The following ELL2 variants were observed in gnomAD, a reference collection of about 807,000 sequenced individuals.
The protein encoded by ELL2 is elongation factor for RNA polymerase II 2.
Under a neutral mutation model 72.8 loss-of-function variants are expected in ELL2, and 21 were observed. That is an observed-to-expected ratio of 0.29 (90% confidence interval 0.20 to 0.42). ELL2 has a LOEUF of 0.42. Among genes scored for constraint, ELL2 ranks in the 10% least tolerant of loss-of-function variants. The probability of loss-of-function intolerance (pLI) is 1.00; values close to 1 mark genes in which losing one functional copy is unlikely to be tolerated. For synonymous variants in ELL2, 266 were observed against 283.2 expected, an observed-to-expected ratio of 0.94 and a Z score of 0.61; for missense variants, 568 against 772.8, an observed-to-expected ratio of 0.73 and a Z score of 3.14.
At chr5:95,890,250 T>C (rs1580474546) in intron 10 of ELL2, among the ~76,000 whole-genome samples, 1 of 152,200 alleles carries the variant, frequency 6.6e-6, no homozygotes, top group African/African-American at 2.4e-5. Flanking sequence ...GCCAGCTTGT[T>C]GAAAAAGATT....
intron 1 of ELL2, among the ~76,000 whole-genome samples, chr5:95,960,877 C>A (rs528127256): frequency 2.0e-5 from 3 of 151,980 alleles, no homozygotes; most frequent in Non-Finnish European, 2.9e-5. Context: ...TGTCCCCTCC[C>A]CCCCCGTACG....
rs776287408 is a variant in ELL2 at position 95,943,544 on chromosome 5, AG to A, written c.148-496del. On this transcript the variant is annotated intron_variant, in intron 1 of 11. Transcript: ENST00000237853. Reference sequence around the variant, plus strand: ...CATTAAAAAAACTGTATTGTTGCATAGTTTCCTGGTATATTTTTAATAGGGG... The same window carrying A: ...CATTAAAAAAACTGTATTGTTGCATATTTCCTGGTATATTTTTAATAGGGG... 9.2e-5 allele frequency among the ~76,000 whole-genome samples: 14 copies of A among 152,296 alleles called. No homozygotes were observed. In the East Asian group the frequency reaches 1.3e-3, roughly 15 times the overall value.
intron 5 of ELL2, 127 bp downstream of exon 5, chr5:95,906,396 C>A (rs1202843160): frequency 1.0e-6 from 1 of 994,566 alleles, no homozygotes; most frequent in African/African-American, 1.6e-5. Flanking sequence ...ATTTCACATA[C>A]CACTGATCAA....
At chr5:95,907,138 C>G (rs1427533454) in intron 4 of ELL2, among the ~76,000 whole-genome samples, 1 of 151,786 alleles carries the variant, frequency 6.6e-6, no homozygotes, top group Non-Finnish European at 1.5e-5. Context: ...AACTATAATA[C>G]AGTGAACATG....
chr5:95,892,250 G>A (rs192332774), intron 9 of ELL2, among the ~76,000 whole-genome samples: 2 of 151,764 alleles, frequency 1.3e-5, no homozygotes, highest in East Asian at 1.9e-4. Context: ...GGGCTCAACC[G>A]ATTCTCGTGC....
In ELL2 at chr5:95,886,911, G is replaced by C. The variant is rs1748483086; in HGVS notation, c.*1960C>G. 1 of 152,096 alleles carries C rather than the reference G, an allele frequency of 6.6e-6. No homozygotes were observed. The highest frequency in any genetic ancestry group is 1.5e-5 in the Non-Finnish European group (1 of 68,022). The allele number at this position is 152,096 out of a possible 1,614,324, so 9.4% of individuals were successfully genotyped here. A position where few individuals can be genotyped will look rare whatever the true frequency, so the allele number is the denominator to read the frequency against. On this transcript the variant is annotated 3_prime_UTR_variant, in exon 12 of 12. Transcript: ENST00000237853. Reference sequence around the variant, plus strand: ...TAGCAAATAGCAGCACACAGTCTTTGATTAAAAGGCCAAGATGTCCAAGAA... The same window carrying C: ...TAGCAAATAGCAGCACACAGTCTTTCATTAAAAGGCCAAGATGTCCAAGAA...
chr5:95,938,384 A>G (rs1267324536), intron 2 of ELL2, among the ~76,000 whole-genome samples: 2 of 152,166 alleles, frequency 1.3e-5, no homozygotes, highest in Non-Finnish European at 2.9e-5. Context: ...TACTTATAGA[A>G]AATATTTTCT....
intron 3 of ELL2, among the ~76,000 whole-genome samples, chr5:95,915,570 C>G (rs1476754141): frequency 6.6e-6 from 1 of 152,224 alleles, no homozygotes; most frequent in Non-Finnish European, 1.5e-5. Context: ...TGTGGTCCCT[C>G]TTTCAAGGAA....
At chr5:95,923,279 G>A (rs1286809231) in intron 2 of ELL2, among the ~76,000 whole-genome samples, 1 of 150,276 alleles carries the variant, frequency 6.7e-6, no homozygotes, top group Non-Finnish European at 1.5e-5. Flanking sequence ...TATCTGCAGA[G>A]TGCTTTCAAT....
chr5:95,896,253 T>A (rs985756269), intron 8 of ELL2, among the ~76,000 whole-genome samples: 2 of 151,468 alleles, frequency 1.3e-5, no homozygotes, highest in Admixed American at 6.6e-5. Flanking sequence ...ATTCCTATAA[T>A]CTCTAGCACT....
intron 3 of ELL2, among the ~76,000 whole-genome samples, chr5:95,916,179 CAGAG>C (rs1296074439): frequency 6.6e-6 from 1 of 151,884 alleles, no homozygotes; most frequent in Non-Finnish European, 1.5e-5. Context: ...TAGCCACACT[CAGAG>C]AGAGGTGGGG....
intron 1 of ELL2, among the ~76,000 whole-genome samples, chr5:95,960,729 G>T (rs1469069356): frequency 1.3e-5 from 2 of 152,198 alleles, no homozygotes; most frequent in East Asian, 3.9e-4. Context: ...CCGATGTCTT[G>T]CTCCCGGGGA....
At chr5:95,940,912 A>T (rs1191542983) in intron 2 of ELL2, among the ~76,000 whole-genome samples, 3 of 152,080 alleles carry the variant, frequency 2.0e-5, no homozygotes, top group Non-Finnish European at 4.4e-5. Flanking sequence ...CTCTCTCCCC[A>T]GTAATGACTC....
At chr5:95,897,596 T>G (rs1748922170) in intron 8 of ELL2, among the ~76,000 whole-genome samples, 1 of 152,234 alleles carries the variant, frequency 6.6e-6, no homozygotes, top group East Asian at 1.9e-4. Context: ...TTGAAATGGC[T>G]AATTTTACAA....
At chr5:95,917,307 A>C (rs1439432051) in intron 3 of ELL2, among the ~76,000 whole-genome samples, 3 of 152,220 alleles carry the variant, frequency 2.0e-5, no homozygotes, top group Admixed American at 6.5e-5. Context: ...ATAGATAAGA[A>C]GACTAGTTAA....
At chr5:95,925,849 A>T (rs1750262208) in intron 2 of ELL2, among the ~76,000 whole-genome samples, 1 of 152,156 alleles carries the variant, frequency 6.6e-6, no homozygotes, top group Non-Finnish European at 1.5e-5. Context: ...CCATCTCTTA[A>T]TTTTATCTAA....
At position 95,927,415 on chromosome 5, in the gene ELL2, ATATAGACATACACACACACGTGTG is replaced by A. The variant is rs1485993470; in HGVS notation, c.196-7894_196-7871del. 2.8e-3 allele frequency among the ~76,000 whole-genome samples: 128 copies of A among 45,624 alleles called. 28 individuals are homozygous for A. Among genetic ancestry groups the A allele is most frequent in the East Asian group, 5.3e-3 (2 of 378 alleles). The allele number at this position is 45,624 out of a possible 152,430, so 29.9% of individuals were successfully genotyped here. A position where few individuals can be genotyped will look rare whatever the true frequency, so the allele number is the denominator to read the frequency against. ...TATATAGACATACACACACGTGTGTATATAGACATACACACACACGTGTGTATATAGACATACACACACACGTGT... is the reference window on the plus strand; with the variant it reads ...TATATAGACATACACACACGTGTGTATATATAGACATACACACACACGTGT... On this transcript the variant is annotated intron_variant, in intron 2 of 11. Transcript: ENST00000237853.
Position 95,919,435 on chromosome 5 carries a change from T to G in ELL2, c.306A>C (p.Gln102His). ...NPQGSFDCIQ[Q>H]TFSSSGASQL... is the part of the protein sequence containing the mutation. ...TGAAAAGTACTTACCTGGAGAATGTTTGCTGGATGCAGTCAAAGCTGCCCT... is the reference window on the plus strand; with the variant it reads ...TGAAAAGTACTTACCTGGAGAATGTGTGCTGGATGCAGTCAAAGCTGCCCT... The change falls in exon 3 of 12, where the codon CAA becomes CAC. Residue 102 changes from glutamine (Q) to histidine (H), a missense_variant. Physicochemically the swap from Gln to His is conservative, Grantham distance 24. This residue lies in a region of ELL2 where 511 missense variants were observed against 728.4 expected (regional missense o/e 0.70). Coordinates refer to ENST00000237853, the MANE Select transcript of ELL2 (RefSeq NM_012081.6). 1 of 1,584,256 alleles carries G rather than the reference T, an allele frequency of 6.3e-7. No homozygotes were observed. Among genetic ancestry groups the G allele is most frequent in the Non-Finnish European group, 8.5e-7 (1 of 1,171,372 alleles).
chr5:95,913,822 C>G lies in ELL2; in HGVS notation c.430G>C (p.Glu144Gln), dbSNP rs1483404154. 1 of 1,612,828 alleles carries G rather than the reference C, an allele frequency of 6.2e-7. No individual in the cohort carries two copies. Residue 144 changes from glutamate to glutamine, a missense_variant, in exon 4 of 12, where the codon GAA becomes CAA. Physicochemically the swap from Glu to Gln is conservative, Grantham distance 29. Coordinates refer to ENST00000237853, the MANE Select transcript of ELL2 (RefSeq NM_012081.6). ...TRERMTQAEE[E>Q]SRNRSTKVIK... ...ACTTTTGTGCTTCGGTTGCGGGATT[C>G]CTCCTCTGCCTGGGTCATTCTTTCT...
Sources: allele counts gnomAD v4.1 joint callset (sites outside exome capture counted in the v4.1 genomes callset), GRCh38; gene constraint gnomAD v4.1.1; regional missense constraint gnomAD v4.1.1; transcripts MANE v1.5; gene names NCBI Gene and HGNC (gene_info 2026-07-23, HGNC 2026-07-21).